Variants in LRRC9 observed in about 807,000 individuals in gnomAD.
LRRC9 encodes the protein leucine-rich repeat-containing protein 9.
Under a neutral mutation model 63.2 loss-of-function variants are expected in LRRC9, and 122 were observed. The ratio of observed to expected loss-of-function variants is 1.93; its 90% CI spans 1.67 to 2.24. The LOEUF is 2.24. Among genes scored for constraint, LRRC9 ranks in the 30% most tolerant of loss-of-function variants. The pLI, the probability that LRRC9 is intolerant of heterozygous loss-of-function variation, is 0.00. For synonymous variants in LRRC9, 366 were observed against 213.1 expected (o/e 1.72, Z -6.25); for missense variants, 1,071 against 627.7 (o/e 1.71, Z -7.55).
intron 15 of LRRC9, among the ~76,000 whole-genome samples, chr14:59,978,523 G>A (rs928252501): frequency 3.9e-5 from 6 of 152,112 alleles, no homozygotes; most frequent in Admixed American, 3.9e-4. Context: ...TATAATAACA[G>A]ATACCATTTG....
At chr14:59,978,882 A>G (rs1229471723) in intron 15 of LRRC9, among the ~76,000 whole-genome samples, 3 of 152,178 alleles carry the variant, frequency 2.0e-5, no homozygotes, top group Non-Finnish European at 4.4e-5. Flanking sequence ...CTGTTTTACA[A>G]ATTTCCAAGT....
intron 8 of LRRC9, among the ~76,000 whole-genome samples, chr14:59,959,173 A>C (rs1884105737): frequency 6.6e-6 from 1 of 152,242 alleles, no homozygotes; most frequent in African/African-American, 2.4e-5. Context: ...CAAAAACCTT[A>C]AGTAATCAAG....
At chr14:60,054,528 T>C (rs1319228391) in intron 30 of LRRC9, among the ~76,000 whole-genome samples, 1 of 152,178 alleles carries the variant, frequency 6.6e-6, no homozygotes, top group African/African-American at 2.4e-5. Context: ...AGACAGATTA[T>C]TGTGTTCAGA....
chr14:59,977,458 T>G, intron 14 of LRRC9, 111 bp downstream of exon 14: 2 of 570,664 alleles, frequency 3.5e-6, no homozygotes, highest in Non-Finnish European at 6.2e-6. Context: ...TGTAGAATTT[T>G]CTACAAAAAT....
chr14:59,966,109 T>G lies in LRRC9; in HGVS notation c.1212-480T>G, dbSNP rs978928143. ...GACATACCAAGTAGGTAGTTGGATA[T>G]TCAAGTCTGGGTATAACCAGCTAAG... On this transcript the variant is annotated intron_variant, in intron 10 of 31. Transcript: ENST00000445360. This position sits in a 1 kb window ranked among gnomAD's most constrained non-coding sequence, Gnocchi z 4.0. Among the ~76,000 whole-genome samples the G allele has an allele frequency of 6.6e-6, 1 of 151,944 alleles. No homozygotes were observed. The highest frequency in any genetic ancestry group is 1.5e-5 in the Non-Finnish European group (1 of 68,012).
chr14:60,030,653 G>C (rs1252398728), intron 28 of LRRC9, among the ~76,000 whole-genome samples: 1 of 151,940 alleles, frequency 6.6e-6, no homozygotes, highest in Non-Finnish European at 1.5e-5. Context: ...TTGGTATCCT[G>C]GTTAATGCTT....
intron 23 of LRRC9, among the ~76,000 whole-genome samples, chr14:60,014,620 TAC>T (rs1242692104): frequency 1.9e-4 from 29 of 152,060 alleles, no homozygotes; most frequent in Admixed American, 1.9e-3. Flanking sequence ...TGCTGTCACT[TAC>T]ATTGTTTTTC....
chr14:59,987,767 G>C (rs1566848010), intron 17 of LRRC9, among the ~76,000 whole-genome samples: 1 of 152,118 alleles, frequency 6.6e-6, no homozygotes, highest in Non-Finnish European at 1.5e-5. Flanking sequence ...TGCAGTTGGG[G>C]ATTACAAAAT....
exon 9 of LRRC9, chr14:59,959,985 G>C (rs1884181094): frequency 1.5e-6 from 1 of 676,042 alleles, no homozygotes; most frequent in South Asian, 1.6e-5. Context: ...TGAATGAAAG[G>C]GTAACATTCT....
At chr14:60,018,844 C>T (rs76269911) in intron 25 of LRRC9, among the ~76,000 whole-genome samples, 355 of 151,842 alleles carry the variant, frequency 2.3e-3, no homozygotes, top group African/African-American at 5.2e-3. Flanking sequence ...GCTGTCTTTT[C>T]GACTAAAAAT....
chr14:59,949,765 AT>A lies in LRRC9; in HGVS notation c.882+5023del, dbSNP rs569380623. On this transcript the variant is annotated intron_variant, in intron 8 of 31. Transcript: ENST00000445360. Reference sequence around the variant, plus strand: ...TCATTTCGTTATGTACCCAGTAGTCATTCAGGAGCAGGTTGTTCAGTTTCCA... The same window carrying A: ...TCATTTCGTTATGTACCCAGTAGTCATCAGGAGCAGGTTGTTCAGTTTCCA... 3.3e-5 allele frequency among the ~76,000 whole-genome samples: 5 copies of A among 150,794 alleles called. No homozygotes were observed. In the East Asian group the frequency reaches 8.0e-4, roughly 24 times the overall value.
At position 59,974,711 on chromosome 14, in the gene LRRC9, A is replaced by C; in HGVS notation, c.1639+3A>C. On this transcript the variant is annotated splice_donor_region_variant and intron_variant, in intron 13 of 31. Transcript: ENST00000445360. ...TAAGCATGAGCTCTTCAGACATGGTAAATACAAATATGCCATGTTTCTGAA... is the reference window on the plus strand; with the variant it reads ...TAAGCATGAGCTCTTCAGACATGGTCAATACAAATATGCCATGTTTCTGAA... 1.6e-6 allele frequency: 1 copy of C among 639,694 alleles called. No individual in the cohort carries two copies. Among genetic ancestry groups the C allele is most frequent in the South Asian group, 1.8e-5 (1 of 56,372 alleles). The allele number at this position is 639,694 out of a possible 1,614,324, so 39.6% of individuals were successfully genotyped here.
At chr14:60,048,274 GA>G (rs1373969906) in intron 29 of LRRC9, among the ~76,000 whole-genome samples, 4 of 151,816 alleles carry the variant, frequency 2.6e-5, no homozygotes, top group Admixed American at 1.3e-4. Context: ...CAGAAGACAA[GA>G]AATAACTGAG....
Position 59,962,780 on chromosome 14 carries a change from G to GAAAAAAAA in LRRC9, c.1211+1741_1211+1748dup, listed in dbSNP as rs34322011. 7.1e-6 allele frequency among the ~76,000 whole-genome samples: 1 copy of GAAAAAAAA among 140,648 alleles called. No homozygotes were observed. 92.3% of individuals were successfully genotyped at this position (140,648 alleles called of 152,430 possible). A position where few individuals can be genotyped will look rare whatever the true frequency, so the allele number is the denominator to read the frequency against. ...AACTCTTTGCAACAAGTGGATTAGTGAAAAAAAAAAAAATGTAAAAGCAAA... is the reference window on the plus strand; with the variant it reads ...AACTCTTTGCAACAAGTGGATTAGTGAAAAAAAAAAAAAAAAAAAAATGTAAAAGCAAA... On this transcript the variant is annotated intron_variant, in intron 10 of 31. Transcript: ENST00000445360. This position sits in a 1 kb window ranked among gnomAD's most constrained non-coding sequence, Gnocchi z 5.1.
At chr14:59,969,048 T>A (rs1416090444) in intron 12 of LRRC9, 3 of 152,206 alleles carry the variant, frequency 2.0e-5, no homozygotes, top group African/African-American at 7.2e-5. Context: ...TTAAATAAGA[T>A]ATTTTATTAA....
At position 59,966,609 on chromosome 14, in the gene LRRC9, T is replaced by G; in HGVS notation, c.1232T>G (p.Leu411Ter). 1.5e-6 allele frequency: 1 copy of G among 682,972 alleles called. No individual in the cohort carries two copies. The highest frequency in any genetic ancestry group is 2.7e-6 in the Non-Finnish European group (1 of 376,058). The allele number at this position is 682,972 out of a possible 1,614,324, so 42.3% of individuals were successfully genotyped here. A position where few individuals can be genotyped will look rare whatever the true frequency, so the allele number is the denominator to read the frequency against. The change falls in exon 11 of 32, where the codon TTA becomes TGA. Residue 411 changes from leucine (L) to a stop codon, truncating the protein, a stop_gained. Coordinates refer to ENST00000445360, the Ensembl canonical transcript of LRRC9. LOFTEE classifies it high-confidence loss of function. This position sits in a 1 kb window ranked among gnomAD's most constrained non-coding sequence, Gnocchi z 4.0. ...CATAGGTTTAATTTCTGCTATGAAT[T>G]AATTCTGTCACGTTTTTGTGCCTGG...
At chr14:59,981,982 G>C in exon 16 of LRRC9, 1 of 702,586 alleles carries the variant, frequency 1.4e-6, no homozygotes, top group South Asian at 1.5e-5. Flanking sequence ...CCAGAATCAA[G>C]GCCCGACCAA....
At chr14:59,959,081 T>C (rs139170791) in intron 8 of LRRC9, among the ~76,000 whole-genome samples, 228 of 152,346 alleles carry the variant, frequency 1.5e-3, no homozygotes, top group African/African-American at 5.1e-3. Context: ...CTCAGTACAA[T>C]TTATCTTTAA....
rs565274541 is a variant in LRRC9, at chr14:59,971,801, G to A, written c.1507-2775G>A. On this transcript the variant is annotated intron_variant, in intron 12 of 31. Coordinates refer to ENST00000445360, the Ensembl canonical transcript of LRRC9. Reference sequence around the variant, plus strand: ...TTCTCTCCCTAATCCCATTGCCTGCGACCACTTTCAACCCTTAGAACTTTC... The same window carrying A: ...TTCTCTCCCTAATCCCATTGCCTGCAACCACTTTCAACCCTTAGAACTTTC... Among the ~76,000 whole-genome samples, 10 of 151,900 alleles carry A rather than the reference G, an allele frequency of 6.6e-5. No individual in the cohort carries two copies. The South Asian group carries it at 1.7e-3, about 25-fold the overall frequency.
Sources: allele counts gnomAD v4.1 joint callset (sites outside exome capture counted in the v4.1 genomes callset), GRCh38; gene constraint gnomAD v4.1.1; non-coding constraint Gnocchi (gnomAD v3.1); transcripts MANE v1.5; gene names NCBI Gene and HGNC (gene_info 2026-07-23, HGNC 2026-07-21).